Variants in RALGAPB observed in about 807,000 individuals in gnomAD.
RALGAPB encodes Ral GTPase activating protein non-catalytic subunit beta.
A neutral mutation model predicts 161.1 loss-of-function variants in RALGAPB; 25 were observed. That is an observed-to-expected ratio of 0.16 (90% CI 0.11 to 0.22). RALGAPB has a LOEUF of 0.22. RALGAPB is among the 10% of genes least tolerant of loss of function. The pLI is 1.00. For synonymous variants in RALGAPB, 629 were observed against 626.1 expected, an observed-to-expected ratio of 1.00 and a Z score of -0.07; for missense variants, 1,391 against 1,815.2, an observed-to-expected ratio of 0.77 and a Z score of 4.25.
intron 28 of RALGAPB, 83 bp from the exon 29 acceptor site, chr20:38,574,067 C>T: frequency 7.2e-7 from 1 of 1,383,454 alleles, no homozygotes; most frequent in Non-Finnish European, 9.8e-7. Context: ...TAATCTTAGG[C>T]TATATGTGGG....
chr20:38,549,979 T>C (rs1184285654), intron 20 of RALGAPB, among the ~76,000 whole-genome samples: 1 of 152,176 alleles, frequency 6.6e-6, no homozygotes, highest in African/African-American at 2.4e-5. Flanking sequence ...AAATGATGAG[T>C]TCATGTCCTT....
At position 38,504,428 on chromosome 20, in the gene RALGAPB, TAACTC is replaced by T. The variant is rs557270052; in HGVS notation, c.741-4646_741-4642del. 2.2e-4 allele frequency among the ~76,000 whole-genome samples: 33 copies of T among 152,262 alleles called. No individual in the cohort carries two copies. The South Asian group carries it at 2.3e-3, about 11-fold the overall frequency. Reference sequence around the variant, plus strand: ...CCTACCTTTCACCATATACAAAAATTAACTCAAGATGGATTAAAGATTTAAATGTA... The same window carrying T: ...CCTACCTTTCACCATATACAAAAATTAAGATGGATTAAAGATTTAAATGTA... On this transcript the variant is annotated intron_variant, in intron 5 of 29. Transcript: ENST00000262879.
At chr20:38,518,942 C>T (rs2086211044) in intron 9 of RALGAPB, among the ~76,000 whole-genome samples, 2 of 152,168 alleles carry the variant, frequency 1.3e-5, no homozygotes, top group African/African-American at 2.4e-5. Context: ...TCTCTGCTTT[C>T]TCTCAGAAAT....
intron 13 of RALGAPB, among the ~76,000 whole-genome samples, chr20:38,528,588 C>T (rs1344488107): frequency 2.0e-5 from 3 of 151,988 alleles, no homozygotes; most frequent in African/African-American, 7.3e-5. Flanking sequence ...AGGCTGGTCT[C>T]GGACTTCTGG....
In RALGAPB at chr20:38,553,940, A is replaced by C. The variant is rs1328129032; in HGVS notation, c.3236A>C (p.Gln1079Pro). ...GCTTATGAAATACACCTTGAGCAAC[A>C]GAGTGAGGAGGAATTGCAGAAGAGA... ...QIAYEIHLEQ[Q>P]SEEELQKRSF... is the part of the protein sequence containing the mutation. The change falls in exon 22 of 30, where the codon CAG (glutamine) becomes CCG (proline). Residue 1079 changes from glutamine to proline, a missense_variant. Coordinates refer to ENST00000262879, the MANE Select transcript of RALGAPB (RefSeq NM_020336.4). 1.2e-6 allele frequency: 2 copies of C among 1,613,664 alleles called. No individual in the cohort carries two copies. Among genetic ancestry groups the C allele is most frequent in the African/African-American group, 2.7e-5 (2 of 74,878 alleles).
chr20:38,565,291 G>A lies in RALGAPB; in HGVS notation c.3698-68G>A. The A allele has an allele frequency of 3.9e-6, 6 of 1,547,104 alleles. No homozygotes were observed. The South Asian group carries it at 7.1e-5, about 18-fold the overall frequency. ...CTTTATTAACCAGTTAACATTTCAT[G>A]TAGCAAGATGATACTGGTTTTTTCC... On this transcript the variant is annotated intron_variant, in intron 24 of 29. Transcript: ENST00000262879.
intron 18 of RALGAPB, 41 bp from the exon 19 acceptor site, chr20:38,546,202 T>C (rs1377324172): frequency 6.2e-7 from 1 of 1,610,716 alleles, no homozygotes; most frequent in East Asian, 2.2e-5. Context: ...ACTGAAGATT[T>C]TGCTTTGGGA....
In RALGAPB at chr20:38,499,496, G is replaced by C. The variant is rs2085517604; in HGVS notation, c.603G>C (p.Glu201Asp). 1.2e-6 allele frequency: 2 copies of C among 1,613,070 alleles called. No individual in the cohort carries two copies. Among genetic ancestry groups the C allele is most frequent in the Admixed American group, 3.3e-5 (2 of 59,852 alleles). ...AGAAGTTGATTGGTGTTCTCTTTGA[G>C]GTGTGGTTACTAGCTTGTACTCGGT... ...LAEKLIGVLF[E>D]VWLLACTRCF... The change falls in exon 5 of 30, where the codon GAG becomes GAC. Residue 201 changes from glutamate to aspartate, a missense_variant. Glu to Asp is a conservative substitution (Grantham distance 45, BLOSUM62 2). Coordinates refer to ENST00000262879, the MANE Select transcript of RALGAPB (RefSeq NM_020336.4).
At chr20:38,511,904 G>A (rs546334762) in intron 6 of RALGAPB, among the ~76,000 whole-genome samples, 4 of 152,070 alleles carry the variant, frequency 2.6e-5, no homozygotes, top group South Asian at 4.2e-4. Flanking sequence ...CAGACGGGGC[G>A]GCCGGGCAGA....
chr20:38,576,824 AT>A lies in RALGAPB; in HGVS notation c.*1858del, dbSNP rs2088457373. The A allele has an allele frequency of 6.6e-6, 1 of 152,652 alleles. No individual in the cohort carries two copies. The highest frequency in any genetic ancestry group is 2.4e-5 in the African/African-American group (1 of 41,448). The allele number at this position is 152,652 out of a possible 1,614,324, so 9.5% of individuals were successfully genotyped here. ...TGAGCAGAGAAGGCTATAAATTAAT[AT>A]GTAACTTACAGCATTCCAGAGGTTA... On this transcript the variant is annotated 3_prime_UTR_variant, in exon 30 of 30. Coordinates refer to ENST00000262879, the MANE Select transcript of RALGAPB (RefSeq NM_020336.4).
intron 20 of RALGAPB, among the ~76,000 whole-genome samples, chr20:38,550,384 A>G (rs545580473): frequency 1.6e-4 from 24 of 152,354 alleles, no homozygotes; most frequent in African/African-American, 5.8e-4. Context: ...GCATGTGCCT[A>G]AAATCATTTA....
chr20:38,485,369 T>C (rs1011967708), intron 1 of RALGAPB, among the ~76,000 whole-genome samples: 1 of 152,206 alleles, frequency 6.6e-6, no homozygotes, highest in Non-Finnish European at 1.5e-5. Flanking sequence ...TTAAAAATCA[T>C]TGCCCTAATC....
At chr20:38,485,229 G>A (rs981681399) in intron 1 of RALGAPB, among the ~76,000 whole-genome samples, 1 of 152,118 alleles carries the variant, frequency 6.6e-6, no homozygotes, top group Non-Finnish European at 1.5e-5. Flanking sequence ...CATTGTGCAG[G>A]ACTGTCTCAT....
At chr20:38,508,327 T>A (rs1696561296) in intron 5 of RALGAPB, among the ~76,000 whole-genome samples, 1 of 151,924 alleles carries the variant, frequency 6.6e-6, no homozygotes, top group Non-Finnish European at 1.5e-5. Context: ...AAAAAGGTCA[T>A]AAAGAATAAT....
At chr20:38,572,295 T>C (rs1308473932) in intron 28 of RALGAPB, among the ~76,000 whole-genome samples, 1 of 152,254 alleles carries the variant, frequency 6.6e-6, no homozygotes, top group Non-Finnish European at 1.5e-5. Context: ...GGTAACAATG[T>C]ATTTGTATAG....
chr20:38,477,588 G>A (rs924255317), intron 1 of RALGAPB, among the ~76,000 whole-genome samples: 4 of 151,976 alleles, frequency 2.6e-5, no homozygotes, highest in African/African-American at 7.3e-5. Flanking sequence ...TGAATCATGA[G>A]GTTATATGGA....
At chr20:38,511,818 A>C (rs1276422773) in intron 6 of RALGAPB, among the ~76,000 whole-genome samples, 1 of 152,116 alleles carries the variant, frequency 6.6e-6, no homozygotes, top group East Asian at 1.9e-4. Context: ...CATCATCATC[A>C]TGGCCCGTTC....
intron 13 of RALGAPB, among the ~76,000 whole-genome samples, chr20:38,529,137 AG>A (rs1452182955): frequency 6.6e-6 from 1 of 152,254 alleles, no homozygotes; most frequent in Non-Finnish European, 1.5e-5. Flanking sequence ...AACTACTGAT[AG>A]CCTACTGTTG....
chr20:38,497,261 A>G (rs971664233), intron 3 of RALGAPB, 92 bp from the exon 4 acceptor site: 14 of 1,183,704 alleles, frequency 1.2e-5, no homozygotes, highest in Admixed American at 2.2e-5. Context: ...GCTTCATTGG[A>G]CCACTGCTTG....
Sources: allele counts gnomAD v4.1 joint callset (sites outside exome capture counted in the v4.1 genomes callset), GRCh38; gene constraint gnomAD v4.1.1; transcripts MANE v1.5; gene names NCBI Gene and HGNC (gene_info 2026-07-23, HGNC 2026-07-21).